The following SRPK1 variants were observed in gnomAD, a reference collection of about 807,000 sequenced individuals.
SRPK1 encodes SRSF protein kinase 1.
In SRPK1, 52 loss-of-function variants were observed where a neutral mutation model predicts 89.5. The ratio of observed to expected loss-of-function variants is 0.58; its 90% CI spans 0.46 to 0.73. The LOEUF (loss-of-function observed/expected upper bound fraction) is 0.73. SRPK1 is among the 30% of genes least tolerant of loss of function. The pLI is 0.00. For missense variants in SRPK1, 603 were observed against 780.6 expected (o/e 0.77, Z 2.71); for synonymous variants, 255 against 270.2 (o/e 0.94, Z 0.55).
At chr6:35,845,637 C>A (rs924295702) in intron 13 of SRPK1, among the ~76,000 whole-genome samples, 1 of 152,166 alleles carries the variant, frequency 6.6e-6, no homozygotes, top group Non-Finnish European at 1.5e-5. Context: ...GCTTGAGGGG[C>A]AATCTAGCAT....
Position 35,870,205 on chromosome 6 carries a change from C to A in SRPK1, c.991+76G>T, listed in dbSNP as rs144774882. The A allele has an allele frequency of 1.1e-4, 139 of 1,311,618 alleles. No individual in the cohort carries two copies. In the African/African-American group the frequency reaches 1.5e-3, roughly 15 times the overall value. The allele number at this position is 1,311,618 out of a possible 1,614,324, so 81.2% of individuals were successfully genotyped here. A position where few individuals can be genotyped will look rare whatever the true frequency, so the allele number is the denominator to read the frequency against. On this transcript the variant is annotated intron_variant, in intron 10 of 15. Transcript: ENST00000373825. ...CCAGAGATGTGTTGTATGTATGAAA[C>A]CACTGTATTATATAGCAATGATAAA...
chr6:35,917,607 C>T (rs965004521), intron 2 of SRPK1, among the ~76,000 whole-genome samples: 17 of 152,182 alleles, frequency 1.1e-4, no homozygotes, highest in Non-Finnish European at 2.1e-4. Context: ...CTAACAAACA[C>T]AGAGCTGGAA....
At chr6:35,867,403 T>C (rs1198619915) in intron 12 of SRPK1, among the ~76,000 whole-genome samples, 1 of 152,214 alleles carries the variant, frequency 6.6e-6, no homozygotes, top group Non-Finnish European at 1.5e-5. Flanking sequence ...CTACAATCAA[T>C]ATGGGAAGTA....
intron 8 of SRPK1, among the ~76,000 whole-genome samples, chr6:35,871,360 G>T (rs1770032515): frequency 6.6e-6 from 1 of 152,206 alleles, no homozygotes; most frequent in South Asian, 2.1e-4. Flanking sequence ...TTGCTCTACA[G>T]CATGTCATGG....
intron 14 of SRPK1, 87 bp from the exon 15 acceptor site, chr6:35,838,516 G>GTTT (rs1352980914): frequency 7.5e-7 from 1 of 1,328,206 alleles, no homozygotes; most frequent in African/African-American, 1.5e-5. Context: ...AGCAGAAGGA[G>GTTT]CAGCATGCAC....
rs1769120721 is a variant in SRPK1 at position 35,834,043 on chromosome 6, TAAAAC to T, written c.*1256_*1260del. 6.6e-6 allele frequency: 1 copy of T among 152,432 alleles called. No homozygotes were observed. Among genetic ancestry groups the T allele is most frequent in the African/African-American group, 2.4e-5 (1 of 41,374 alleles). 9.4% of individuals were successfully genotyped at this position (152,432 alleles called of 1,614,324 possible). On this transcript the variant is annotated 3_prime_UTR_variant, in exon 16 of 16. Transcript: ENST00000373825. The stretch of plus-strand genomic sequence containing the variant: ...AAAAATTGCAAAGTCTTTTCTCAAT[TAAAAC>T]AAAAAAGCCTCAAGTACATCTCAAT...
At chr6:35,897,310 T>C (rs1472307046) in intron 2 of SRPK1, among the ~76,000 whole-genome samples, 1 of 152,178 alleles carries the variant, frequency 6.6e-6, no homozygotes, top group Non-Finnish European at 1.5e-5. Flanking sequence ...AACTATATCT[T>C]CCTCAATCAT....
chr6:35,917,339 CAT>C (rs1771132525), intron 2 of SRPK1, among the ~76,000 whole-genome samples: 1 of 152,312 alleles, frequency 6.6e-6, no homozygotes, highest in African/African-American at 2.4e-5. Flanking sequence ...CTTAGAAACA[CAT>C]GATTGGTAGC....
intron 2 of SRPK1, among the ~76,000 whole-genome samples, chr6:35,916,458 T>C (rs1257324803): frequency 6.6e-6 from 1 of 152,178 alleles, no homozygotes; most frequent in Non-Finnish European, 1.5e-5. Flanking sequence ...ATTTTTTAAA[T>C]TGTTTCAAAT....
At chr6:35,889,857 G>C (rs533706827) in intron 3 of SRPK1, among the ~76,000 whole-genome samples, 1 of 150,856 alleles carries the variant, frequency 6.6e-6, no homozygotes, top group East Asian at 2.0e-4. Context: ...CCAGCACTTT[G>C]GGAGGCTGAG....
intron 13 of SRPK1, 58 bp from the exon 14 acceptor site, chr6:35,842,662 G>T: frequency 7.4e-7 from 1 of 1,355,304 alleles, no homozygotes; most frequent in Non-Finnish European, 1.0e-6. Context: ...CCTTTGGAAA[G>T]CTGATTGCTA....
chr6:35,833,193 GC>G lies in SRPK1; in HGVS notation c.*2110del, dbSNP rs1769099067. 2.0e-5 allele frequency: 3 copies of G among 152,728 alleles called. No individual in the cohort carries two copies. Among genetic ancestry groups the G allele is most frequent in the African/African-American group, 7.2e-5 (3 of 41,570 alleles). 9.5% of individuals were successfully genotyped at this position (152,728 alleles called of 1,614,324 possible). A position where few individuals can be genotyped will look rare whatever the true frequency, so the allele number is the denominator to read the frequency against. On this transcript the variant is annotated 3_prime_UTR_variant, in exon 16 of 16. Transcript: ENST00000373825. ...GGCAATTTGACAGTATTATAATTAA[GC>G]TCAATAAAGGTACATGGGGTACCTG...
chr6:35,872,659 T>C lies in SRPK1; in HGVS notation c.655A>G (p.Ile219Val), dbSNP rs1050721684. 6.2e-6 allele frequency: 10 copies of C among 1,612,476 alleles called. No homozygotes were observed. The highest frequency in any genetic ancestry group is 2.7e-5 in the African/African-American group (2 of 75,006). The change falls in exon 8 of 16, where the codon ATC (isoleucine) becomes GTC (valine). Residue 219 changes from isoleucine (I) to valine (V), a missense_variant. Physicochemically the swap from Ile to Val is conservative, Grantham distance 29. Transcript: ENST00000373825. ...TACTGCTCATTCACTGACAATAAGA[T>C]GTTCTCTGGTTTAATGTCAGTGTGG... ...IIHTDIKPEN[I>V]LLSVNEQYIR... is the part of the protein sequence containing the mutation.
chr6:35,839,687 T>C (rs1228771742), intron 14 of SRPK1, among the ~76,000 whole-genome samples: 3 of 151,124 alleles, frequency 2.0e-5, no homozygotes, highest in South Asian at 2.1e-4. Context: ...TATAAAACTT[T>C]TTTTTTTTTT....
intron 2 of SRPK1, among the ~76,000 whole-genome samples, chr6:35,896,779 TATACAA>T (rs765821920): frequency 2.0e-4 from 31 of 152,318 alleles, no homozygotes; most frequent in Non-Finnish European, 3.1e-4. Context: ...CAGGGTGGAA[TATACAA>T]ATACAACATT....
chr6:35,885,298 C>CACACACACACACACAGAGAGAGAGAG (rs1276672274), intron 6 of SRPK1, among the ~76,000 whole-genome samples: 4 of 113,112 alleles, frequency 3.5e-5, no homozygotes, highest in African/African-American at 1.5e-4. Context: ...CACACACACA[C>CACACACACACACACAGAGAGAGAGAG]AGAGAGAGAG....
chr6:35,904,087 A>T (rs968147871), intron 2 of SRPK1, among the ~76,000 whole-genome samples: 26 of 152,058 alleles, frequency 1.7e-4, no homozygotes, highest in African/African-American at 6.0e-4. Flanking sequence ...TATAGGCATG[A>T]GCCACCATGC....
chr6:35,883,330 A>G (rs1210096497), intron 6 of SRPK1, among the ~76,000 whole-genome samples: 1 of 152,132 alleles, frequency 6.6e-6, no homozygotes, highest in Admixed American at 6.5e-5. Flanking sequence ...CGGAGGTTGC[A>G]GTGAGCCGAG....
intron 6 of SRPK1, among the ~76,000 whole-genome samples, chr6:35,876,083 A>AT (rs1482321112): frequency 7.7e-5 from 7 of 91,390 alleles, no homozygotes; most frequent in African/African-American, 2.2e-4. Context: ...GGATTCTTAA[A>AT]TTAAAAAAAA....
Sources: gnomAD v4.1 joint callset for allele counts (sites outside exome capture counted in the v4.1 genomes callset) on GRCh38, gnomAD v4.1.1 for gene constraint, MANE v1.5 for transcripts, NCBI Gene and HGNC (gene_info 2026-07-23, HGNC 2026-07-21) for gene names.